ATF6: variants seen among roughly 807,000 people sequenced by gnomAD.
ATF6 encodes activating transcription factor 6.
Under a neutral mutation model 83.6 loss-of-function variants are expected in ATF6, and 53 were observed. The ratio of observed to expected loss-of-function variants is 0.63; its 90% CI spans 0.51 to 0.80. The LOEUF (loss-of-function observed/expected upper bound fraction) is 0.80. Ranked by LOEUF, ATF6 falls within the 30% of genes least tolerant of loss-of-function variation. The pLI is 0.00. For synonymous variants in ATF6, 288 were observed against 285.8 expected (o/e 1.01, Z -0.08); for missense variants, 744 against 797.9 (o/e 0.93, Z 0.81).
At chr1:161,904,061 G>A (rs1201662468) in intron 14 of ATF6, among the ~76,000 whole-genome samples, 1 of 152,134 alleles carries the variant, frequency 6.6e-6, no homozygotes, top group African/African-American at 2.4e-5. Flanking sequence ...ACCTACCATT[G>A]GCACTGTTTT....
In ATF6 at chr1:161,820,528, G is replaced by A. The variant is rs184348644; in HGVS notation, c.1096-542G>A. ...AGCACTTTGGGACGCTGAGGCAGGC[G>A]GATCACAAGGTCAGGAGATCAAGAC... On this transcript the variant is annotated intron_variant, in intron 8 of 15. Transcript: ENST00000367942. 9.1e-4 allele frequency among the ~76,000 whole-genome samples: 138 copies of A among 152,212 alleles called. 1 individual carries two copies. Among genetic ancestry groups the A allele is most frequent in the African/African-American group, 3.1e-3 (128 of 41,534 alleles).
At chr1:161,791,644 G>A (rs1684884074) in intron 5 of ATF6, 107 bp downstream of exon 5, 2 of 1,302,822 alleles carry the variant, frequency 1.5e-6, no homozygotes, top group African/African-American at 3.0e-5. Flanking sequence ...AGGCTGGCTT[G>A]CTGTTTTTTA....
chr1:161,870,183 A>C (rs1687092266), intron 14 of ATF6, among the ~76,000 whole-genome samples: 2 of 151,838 alleles, frequency 1.3e-5, no homozygotes, highest in Non-Finnish European at 3.0e-5. Context: ...CACAACTTCA[A>C]AAATTGTTTG....
In ATF6 at chr1:161,821,150, T is replaced by G; in HGVS notation, c.1176T>G (p.Tyr392Ter). The change falls in exon 9 of 16, where the codon TAT (tyrosine) becomes TAG (stop). Residue 392 changes from tyrosine to a stop codon, truncating the protein, a stop_gained. Coordinates refer to ENST00000367942, the MANE Select transcript of ATF6 (RefSeq NM_007348.4). LOFTEE classifies it high-confidence loss of function. ...TATTGGCATTTATAATACTGAACTA[T>G]GGACCTATGAGGTAAGTGAATAGAT... ...MIVLAFIILN[Y>*]GPMSMLEQDS... is the part of the protein sequence containing the mutation. 1 of 1,607,202 alleles carries G rather than the reference T, an allele frequency of 6.2e-7. No homozygotes were observed. The highest frequency in any genetic ancestry group is 8.5e-7 in the Non-Finnish European group (1 of 1,175,258).
chr1:161,816,562 T>C (rs1159380361), intron 7 of ATF6, among the ~76,000 whole-genome samples: 1 of 152,234 alleles, frequency 6.6e-6, no homozygotes, highest in Non-Finnish European at 1.5e-5. Context: ...TTGGCCCTTC[T>C]ACTGTCTTAA....
At chr1:161,920,254 A>G (rs2101894738) in intron 15 of ATF6, among the ~76,000 whole-genome samples, 1 of 149,414 alleles carries the variant, frequency 6.7e-6, no homozygotes, top group South Asian at 2.1e-4. Flanking sequence ...TTAATTTTTA[A>G]AAAATACATA....
At chr1:161,775,296 T>G (rs1684488668) in intron 1 of ATF6, among the ~76,000 whole-genome samples, 1 of 152,178 alleles carries the variant, frequency 6.6e-6, no homozygotes, top group Admixed American at 6.6e-5. Context: ...TTATTGCTAT[T>G]TTGGGGGAGA....
intron 6 of ATF6, among the ~76,000 whole-genome samples, chr1:161,801,806 T>C (rs557696794): frequency 6.6e-6 from 1 of 152,208 alleles, no homozygotes; most frequent in South Asian, 2.1e-4. Flanking sequence ...GAAAGATAAA[T>C]AAGAAAGTAT....
chr1:161,844,779 T>TC (rs1388031303), intron 9 of ATF6, among the ~76,000 whole-genome samples: 2 of 152,198 alleles, frequency 1.3e-5, no homozygotes, highest in South Asian at 2.1e-4. Flanking sequence ...GTCATCACAC[T>TC]CTTCATTTGA....
At chr1:161,772,772 A>C (rs935554395) in intron 1 of ATF6, among the ~76,000 whole-genome samples, 21 of 151,590 alleles carry the variant, frequency 1.4e-4, no homozygotes, top group Admixed American at 6.6e-4. Flanking sequence ...TAAAAAAAAA[A>C]AAAACAAAAC....
intron 7 of ATF6, among the ~76,000 whole-genome samples, chr1:161,807,226 A>C (rs1211510539): frequency 6.6e-6 from 1 of 152,214 alleles, no homozygotes; most frequent in South Asian, 2.1e-4. Context: ...TGTCTATAAT[A>C]ATCTATTTGC....
chr1:161,771,515 C>A (rs1373533285), intron 1 of ATF6, among the ~76,000 whole-genome samples: 2 of 152,208 alleles, frequency 1.3e-5, no homozygotes, highest in Admixed American at 6.5e-5. Flanking sequence ...ATTCTCCTTT[C>A]CTCCTCCCTA....
At chr1:161,906,704 G>A (rs924284418) in intron 14 of ATF6, among the ~76,000 whole-genome samples, 2 of 152,054 alleles carry the variant, frequency 1.3e-5, no homozygotes, top group Non-Finnish European at 2.9e-5. Flanking sequence ...TCATTCTTGG[G>A]CCATCTGTTG....
chr1:161,826,348 C>T (rs1685898108), intron 9 of ATF6, among the ~76,000 whole-genome samples: 1 of 152,124 alleles, frequency 6.6e-6, no homozygotes, highest in Non-Finnish European at 1.5e-5. Flanking sequence ...TAATGATCTT[C>T]ACAGCTGCTG....
intron 2 of ATF6, among the ~76,000 whole-genome samples, chr1:161,780,295 A>G (rs1209472088): frequency 6.6e-6 from 1 of 152,174 alleles, no homozygotes; most frequent in African/African-American, 2.4e-5. Flanking sequence ...ATATTCTTCT[A>G]GAAATTGTTA....
At chr1:161,875,972 G>A (rs1687209006) in intron 14 of ATF6, among the ~76,000 whole-genome samples, 1 of 151,852 alleles carries the variant, frequency 6.6e-6, no homozygotes, top group Admixed American at 6.6e-5. Flanking sequence ...TGAACATAGG[G>A]CAGTAATATG....
chr1:161,939,386 T>C (rs1190079782), intron 15 of ATF6, among the ~76,000 whole-genome samples: 1 of 152,242 alleles, frequency 6.6e-6, no homozygotes, highest in Non-Finnish European at 1.5e-5. Flanking sequence ...TACATATGTA[T>C]ACATGTGCCA....
At chr1:161,823,880 T>G (rs1685820964) in intron 9 of ATF6, among the ~76,000 whole-genome samples, 2 of 152,212 alleles carry the variant, frequency 1.3e-5, no homozygotes, top group South Asian at 4.1e-4. Flanking sequence ...CGTAATTTAT[T>G]TAACCATCTT....
intron 15 of ATF6, among the ~76,000 whole-genome samples, chr1:161,924,553 A>T (rs1431785491): frequency 1.3e-5 from 2 of 152,236 alleles, no homozygotes. Context: ...ATCCATAGAG[A>T]TATTTGCCTC....
Sources: allele counts gnomAD v4.1 joint callset (sites outside exome capture counted in the v4.1 genomes callset), GRCh38; gene constraint gnomAD v4.1.1; transcripts MANE v1.5; gene names NCBI Gene and HGNC (gene_info 2026-07-23, HGNC 2026-07-21).